The following CACNA1C variants were observed in gnomAD, a reference collection of about 807,000 sequenced individuals.
The protein encoded by CACNA1C is calcium voltage-gated channel subunit alpha1 C, also known as voltage-dependent L-type calcium channel subunit alpha-1C.
Under a neutral mutation model 229.0 loss-of-function variants are expected in CACNA1C, and 30 were observed. That is an observed-to-expected ratio of 0.13 (90% CI 0.10 to 0.18). The LOEUF (loss-of-function observed/expected upper bound fraction) is 0.18. Among genes scored for constraint, CACNA1C ranks in the 10% least tolerant of loss-of-function variants. The pLI is 1.00. For missense variants in CACNA1C, 1,658 were observed against 2,845.0 expected (o/e 0.58, Z 9.49); for synonymous variants, 1,114 against 1,132.5 (o/e 0.98, Z 0.33).
Position 2,493,474 on chromosome 12 carries a change from GTCTT to G in CACNA1C, c.1113+89_1113+92del. Reference sequence around the variant, plus strand: ...ACCTCCCTTTCTCCTCCTCCCCATGGTCTTGGGGTCACATACGCATCTTGATGGA... The same window carrying G: ...ACCTCCCTTTCTCCTCCTCCCCATGGGGGGTCACATACGCATCTTGATGGA... On this transcript the variant is annotated intron_variant, in intron 7 of 46. Transcript: ENST00000399655. This position sits in a 1 kb window ranked among gnomAD's most constrained non-coding sequence, Gnocchi z 4.6. 3 of 965,876 alleles carry G rather than the reference GTCTT, an allele frequency of 3.1e-6. No homozygotes were observed. The highest frequency in any genetic ancestry group is 4.9e-6 in the Non-Finnish European group (3 of 608,330). 59.8% of individuals were successfully genotyped at this position (965,876 alleles called of 1,614,324 possible).
intron 7 of CACNA1C, among the ~76,000 whole-genome samples, chr12:2,495,071 C>G (rs978232764): frequency 1.3e-5 from 2 of 152,200 alleles, no homozygotes; most frequent in Non-Finnish European, 2.9e-5. Flanking sequence ...AAAAAGAAGA[C>G]AAAGGTCAGA....
At chr12:2,658,748 C>T (rs146079688) in intron 34 of CACNA1C, among the ~76,000 whole-genome samples, 5 of 151,524 alleles carry the variant, frequency 3.3e-5, no homozygotes, top group Non-Finnish European at 7.4e-5. Flanking sequence ...GAAGACCTTC[C>T]GATAGGACAA....
chr12:2,010,570 C>G lies in CACNA1C; in HGVS notation c.139+39369C>G, dbSNP rs539466885. 3.9e-5 allele frequency among the ~76,000 whole-genome samples: 6 copies of G among 152,302 alleles called. No homozygotes were observed. The South Asian group carries it at 1.2e-3, about 32-fold the overall frequency. The stretch of plus-strand genomic sequence containing the variant: ...AGAGATCACTCTTGAATTGACCACT[C>G]TCTTTGCTTCTCTCTGCCAGTCCCA... On this transcript the variant is annotated intron_variant, in intron 1 of 46. Transcript: ENST00000682462.
chr12:2,365,449 A>G (rs2097696816), intron 3 of CACNA1C, among the ~76,000 whole-genome samples: 1 of 152,254 alleles, frequency 6.6e-6, no homozygotes, highest in Non-Finnish European at 1.5e-5. Context: ...ATGGAGAAAT[A>G]TGTTAATAAT....
rs952343275 is a variant in CACNA1C, at chr12:2,680,244, G to A, written c.5444+448G>A. ...CCCGGAGAGGGCATCCCCTGTGGGA[G>A]GCGCCATCTGTAGCACTGGCCCATT... On this transcript the variant is annotated intron_variant, in intron 42 of 46. Transcript: ENST00000399655. 9.7e-6 allele frequency: 7 copies of A among 718,842 alleles called. No homozygotes were observed. In the Admixed American group the frequency reaches 1.2e-4, roughly 13 times the overall value. 44.5% of individuals were successfully genotyped at this position (718,842 alleles called of 1,614,324 possible). A position where few individuals can be genotyped will look rare whatever the true frequency, so the allele number is the denominator to read the frequency against.
chr12:2,041,270 CTTTTT>C (rs58922699), intron 1 of CACNA1C, among the ~76,000 whole-genome samples: 1 of 91,006 alleles, frequency 1.1e-5, no homozygotes, highest in Non-Finnish European at 2.1e-5. Flanking sequence ...TAAGGGTATT[CTTTTT>C]TTTTTTTTTT....
chr12:2,367,577 A>G (rs1260667221), intron 3 of CACNA1C, among the ~76,000 whole-genome samples: 3 of 152,250 alleles, frequency 2.0e-5, no homozygotes, highest in Non-Finnish European at 4.4e-5. Flanking sequence ...TACAGGAGAC[A>G]CTAAAACAAA....
intron 3 of CACNA1C, among the ~76,000 whole-genome samples, chr12:2,420,584 TC>T (rs2098968790): frequency 6.6e-6 from 1 of 152,210 alleles, no homozygotes; most frequent in Admixed American, 6.5e-5. Flanking sequence ...CATTGCATCC[TC>T]CAAGTGAAGA....
chr12:2,616,266 C>G (rs891634880), intron 29 of CACNA1C, among the ~76,000 whole-genome samples: 6 of 152,206 alleles, frequency 3.9e-5, no homozygotes, highest in Non-Finnish European at 5.9e-5. Context: ...TCCCAGTCTC[C>G]GCTCTCTTTC....
chr12:2,469,814 A>T (rs1295728406), intron 5 of CACNA1C, among the ~76,000 whole-genome samples: 4 of 152,254 alleles, frequency 2.6e-5, no homozygotes, highest in African/African-American at 9.6e-5. Context: ...TAATTTTCCC[A>T]GAAATAATGC....
At chr12:2,517,029 G>A (rs2099798364) in intron 9 of CACNA1C, among the ~76,000 whole-genome samples, 1 of 152,214 alleles carries the variant, frequency 6.6e-6, no homozygotes, top group African/African-American at 2.4e-5. Flanking sequence ...CTAAAGGCAT[G>A]GCCAGAGAGA....
At chr12:2,151,400 G>A (rs552687041) in intron 3 of CACNA1C, among the ~76,000 whole-genome samples, 1 of 151,984 alleles carries the variant, frequency 6.6e-6, no homozygotes, top group South Asian at 2.1e-4. Flanking sequence ...GGTAGGAGGG[G>A]TGTCTGACTG....
chr12:2,156,378 C>G (rs933924214), intron 3 of CACNA1C, among the ~76,000 whole-genome samples: 2 of 152,176 alleles, frequency 1.3e-5, no homozygotes, highest in Non-Finnish European at 2.9e-5. Flanking sequence ...GTTGAATGCT[C>G]TCTTCCAAAA....
chr12:2,635,390 G>A (rs962744228), intron 30 of CACNA1C, among the ~76,000 whole-genome samples: 17 of 152,028 alleles, frequency 1.1e-4, no homozygotes, highest in Admixed American at 3.9e-4. Context: ...TAATTTTTTC[G>A]TTATTATTTT....
intron 3 of CACNA1C, among the ~76,000 whole-genome samples, chr12:2,195,730 C>T (rs1197009935): frequency 6.6e-6 from 1 of 152,178 alleles, no homozygotes; most frequent in African/African-American, 2.4e-5. Flanking sequence ...ATTACTCTAG[C>T]TCTCGCTCTG....
intron 34 of CACNA1C, among the ~76,000 whole-genome samples, chr12:2,659,518 C>G (rs1206319068): frequency 6.6e-6 from 1 of 152,112 alleles, no homozygotes; most frequent in Non-Finnish European, 1.5e-5. Flanking sequence ...TGACACAGGA[C>G]TGTACTTAGA....
At chr12:2,019,844 TTC>T (rs1319041652) in intron 1 of CACNA1C, 2 of 152,234 alleles carry the variant, frequency 1.3e-5, no homozygotes, top group African/African-American at 2.4e-5. Flanking sequence ...TGGTTTATGT[TTC>T]TGTTTATTTC....
rs145460815 is a variant in CACNA1C, at chr12:2,391,382, C to T, written c.478-57594C>T. On this transcript the variant is annotated intron_variant, in intron 3 of 46. Coordinates refer to ENST00000399655, the MANE Select transcript of CACNA1C (RefSeq NM_000719.7). ...GATGACTCAGAGAGCAAGTGTGGAGCGAGAGGACTTGGGAACCCAGGGTTG... is the reference window on the plus strand; with the variant it reads ...GATGACTCAGAGAGCAAGTGTGGAGTGAGAGGACTTGGGAACCCAGGGTTG... 6.9e-4 allele frequency among the ~76,000 whole-genome samples: 105 copies of T among 152,174 alleles called. No homozygotes were observed. The Middle Eastern group carries it at 0.02, about 30-fold the overall frequency.
At chr12:2,635,567 C>G (rs1169877010) in intron 30 of CACNA1C, among the ~76,000 whole-genome samples, 1 of 146,838 alleles carries the variant, frequency 6.8e-6, no homozygotes, top group African/African-American at 2.5e-5. Context: ...TCCACTCCAT[C>G]TTTTGCTCTC....
Sources: allele counts gnomAD v4.1 joint callset (sites outside exome capture counted in the v4.1 genomes callset), GRCh38; gene constraint gnomAD v4.1.1; non-coding constraint Gnocchi (gnomAD v3.1); transcripts MANE v1.5; gene names NCBI Gene and HGNC (gene_info 2026-07-23, HGNC 2026-07-21).